The following HDAC8 variants were observed in gnomAD, a reference collection of about 807,000 sequenced individuals.
The protein encoded by HDAC8 is histone deacetylase 8, also known as histone deacetylase-like 1.
HDAC8 carries 1 observed loss-of-function variant against 32.2 expected under a neutral mutation model. The ratio of observed to expected loss-of-function variants is 0.03; its 90% CI spans 0.01 to 0.15. The LOEUF (loss-of-function observed/expected upper bound fraction) is 0.15, where lower values mean the gene tolerates loss of function less well. Among genes scored for constraint, HDAC8 ranks in the 10% least tolerant of loss-of-function variants. The pLI is 1.00. For missense variants in HDAC8, 117 were observed against 300.0 expected (o/e 0.39, Z 4.51); for synonymous variants, 108 against 113.9 (o/e 0.95, Z 0.33).
At chrX:72,510,526 T>G (rs2049547540) in intron 4 of HDAC8, among the ~76,000 whole-genome samples, 1 of 111,810 alleles carries the variant, frequency 8.9e-6, no homozygotes, top group African/African-American at 3.2e-5. Context: ...TAGGCCATCT[T>G]TCCCTTTCAA....
intron 4 of HDAC8, among the ~76,000 whole-genome samples, chrX:72,564,248 A>T (rs1556128507): frequency 8.9e-6 from 1 of 112,327 alleles, no homozygotes; most frequent in African/African-American, 3.2e-5. Flanking sequence ...AGTTGTCCTT[A>T]AACTCCTTTG....
intron 10 of HDAC8, 49 bp downstream of exon 10, chrX:72,351,684 C>A (rs367674943): frequency 8.3e-6 from 8 of 969,520 alleles, no homozygotes; most frequent in African/African-American, 1.9e-5. Flanking sequence ...GATGGGCCAC[C>A]ACAAACTGGG....
intron 10 of HDAC8, among the ~76,000 whole-genome samples, chrX:72,351,097 T>C (rs1438191860): frequency 9.0e-6 from 1 of 111,139 alleles, no homozygotes; most frequent in African/African-American, 3.3e-5. Flanking sequence ...AAGTCTGAAT[T>C]GACTTGAATT....
chrX:72,340,522 A>G (rs1330213232), intron 10 of HDAC8, among the ~76,000 whole-genome samples: 3 of 108,188 alleles, frequency 2.8e-5, no homozygotes, highest in Non-Finnish European at 5.8e-5. Context: ...GGAAGCTGGG[A>G]TTTTTGACTT....
At chrX:72,529,443 G>A (rs2050260514) in intron 4 of HDAC8, among the ~76,000 whole-genome samples, 1 of 111,496 alleles carries the variant, frequency 9.0e-6, no homozygotes, top group South Asian at 3.9e-4. Context: ...GAAGTTGGAG[G>A]AAGGGGCTAT....
chrX:72,488,858 T>C, intron 7 of HDAC8, 75 bp downstream of exon 7: 1 of 594,189 alleles, frequency 1.7e-6, no homozygotes, highest in Non-Finnish European at 2.7e-6. Flanking sequence ...TGTTCTTGTT[T>C]ACATTGTGAG....
At chrX:72,450,862 T>A (rs185878342) in intron 9 of HDAC8, among the ~76,000 whole-genome samples, 39 of 111,638 alleles carry the variant, frequency 3.5e-4, no homozygotes, top group African/African-American at 1.1e-3. Flanking sequence ...TGGCTGATAC[T>A]TTTTCCAAAT....
At chrX:72,489,103 G>C in intron 6 of HDAC8, 62 bp from the exon 7 acceptor site, 1 of 785,521 alleles carries the variant, frequency 1.3e-6, no homozygotes, top group Non-Finnish European at 1.8e-6. Context: ...AAAACTTAAA[G>C]GATTTCCTGA....
chrX:72,558,345 A>G (rs1340091944), intron 4 of HDAC8, among the ~76,000 whole-genome samples: 1 of 112,179 alleles, frequency 8.9e-6, no homozygotes, highest in Non-Finnish European at 1.9e-5. Context: ...CAACAAGATA[A>G]TAGTGAACCA....
At chrX:72,465,853 G>T (rs781793034) in intron 7 of HDAC8, among the ~76,000 whole-genome samples, 1 of 111,734 alleles carries the variant, frequency 8.9e-6, no homozygotes, top group African/African-American at 3.2e-5. Context: ...TGTAACAAGG[G>T]TATTGAAATT....
intron 4 of HDAC8, among the ~76,000 whole-genome samples, chrX:72,562,174 T>A (rs1293069884): frequency 4.5e-5 from 5 of 112,096 alleles, no homozygotes; most frequent in African/African-American, 1.6e-4. Context: ...GCAATCCCAC[T>A]ACTAGGTATC....
intron 10 of HDAC8, 46 bp downstream of exon 10, chrX:72,351,687 A>G: frequency 1.0e-6 from 1 of 985,716 alleles, no homozygotes; most frequent in Non-Finnish European, 1.4e-6. Context: ...GGGCCACCAC[A>G]AACTGGGTGG....
At chrX:72,353,576 CTT>C (rs1308436446) in intron 9 of HDAC8, among the ~76,000 whole-genome samples, 1 of 111,812 alleles carries the variant, frequency 8.9e-6, no homozygotes, top group Non-Finnish European at 1.9e-5. Flanking sequence ...GTTGAAGAAA[CTT>C]GAGAGGCTTG....
intron 7 of HDAC8, chrX:72,466,974 T>G (rs1323576812): frequency 5.4e-5 from 6 of 111,983 alleles, no homozygotes; most frequent in African/African-American, 1.9e-4. Flanking sequence ...CAAAAGATTA[T>G]CTGCTGCATG....
At chrX:72,457,399 T>C (rs2047749130) in intron 9 of HDAC8, among the ~76,000 whole-genome samples, 1 of 112,164 alleles carries the variant, frequency 8.9e-6, no homozygotes, top group African/African-American at 3.2e-5. Flanking sequence ...GACATGAAGA[T>C]TATACAGAAA....
intron 4 of HDAC8, among the ~76,000 whole-genome samples, chrX:72,532,776 C>A (rs1556036867): frequency 9.0e-6 from 1 of 111,245 alleles, no homozygotes; most frequent in African/African-American, 3.3e-5. Flanking sequence ...GGATAAAAGA[C>A]CCTTCTTAGA....
At chrX:72,483,710 C>T (rs782066265) in intron 7 of HDAC8, among the ~76,000 whole-genome samples, 56 of 111,808 alleles carry the variant, frequency 5.0e-4, no homozygotes, top group Non-Finnish European at 9.4e-4. Context: ...TGGCCCCAGA[C>T]CCCAGGAATT....
chrX:72,371,411 A>T (rs1329446250), intron 9 of HDAC8, among the ~76,000 whole-genome samples: 1 of 111,942 alleles, frequency 8.9e-6, no homozygotes, highest in Non-Finnish European at 1.9e-5. Context: ...GTAGACTCGG[A>T]CAGCTACCAG....
chrX:72,493,850 C>T (rs1569343026), intron 5 of HDAC8, among the ~76,000 whole-genome samples: 1 of 111,057 alleles, frequency 9.0e-6, no homozygotes. Flanking sequence ...GCACACAACA[C>T]CAAACTCAGC....
Sources: allele counts gnomAD v4.1 joint callset (sites outside exome capture counted in the v4.1 genomes callset), GRCh38; gene constraint gnomAD v4.1.1; transcripts MANE v1.5; gene names NCBI Gene and HGNC (gene_info 2026-07-23, HGNC 2026-07-21).